The following HEMGN variants were observed in gnomAD, a reference collection of about 807,000 sequenced individuals.
HEMGN encodes hemogen.
Under a neutral mutation model 45.7 loss-of-function variants are expected in HEMGN, and 32 were observed. The ratio of observed to expected loss-of-function variants is 0.70; its 90% confidence interval spans 0.53 to 0.94. The LOEUF is 0.94. Among genes scored for constraint, HEMGN ranks in the 40% least tolerant of loss-of-function variants. HEMGN has a pLI of 0.00. For missense variants in HEMGN, 530 were observed against 564.2 expected (o/e 0.94, Z 0.61); for synonymous variants, 183 against 178.6 (o/e 1.02, Z -0.20).
At chr9:97,932,282 C>A (rs1347633957) in intron 2 of HEMGN, among the ~76,000 whole-genome samples, 1 of 151,956 alleles carries the variant, frequency 6.6e-6, no homozygotes, top group African/African-American at 2.4e-5. Flanking sequence ...TTTATAGTGC[C>A]CATCGTTCCT....
rs771744071 is a variant in HEMGN, at chr9:97,931,172, C to A, written c.223G>T (p.Gly75Cys). The change falls in exon 3 of 4, where the codon GGC becomes TGC. Residue 75 changes from glycine to cysteine, a missense_variant. Gly to Cys is a radical substitution (Grantham distance 159). Coordinates refer to ENST00000616898, the MANE Select transcript of HEMGN (RefSeq NM_197978.3). ...QQRTGKGNRR[G>C]RKRQQNTELK... is the part of the protein sequence containing the mutation. ...TCTGTGTTTTGTTGTCTCTTTCTGCCTCTTCGATTTCCTTTTCCTGTTCTC... is the reference window on the plus strand; with the variant it reads ...TCTGTGTTTTGTTGTCTCTTTCTGCATCTTCGATTTCCTTTTCCTGTTCTC... 5 of 1,612,058 alleles carry A rather than the reference C, an allele frequency of 3.1e-6. No homozygotes were observed. Among genetic ancestry groups the A allele is most frequent in the African/African-American group, 1.3e-5 (1 of 74,638 alleles).
At chr9:97,933,947 C>A (rs907423859) in intron 2 of HEMGN, among the ~76,000 whole-genome samples, 19 of 152,182 alleles carry the variant, frequency 1.2e-4, no homozygotes, top group Non-Finnish European at 2.5e-4. Context: ...CTGAGACTAC[C>A]TCCATTTATC....
intron 1 of HEMGN, 37 bp downstream of exon 1, chr9:97,938,021 C>T (rs1426545280): frequency 4.1e-6 from 5 of 1,221,588 alleles, no homozygotes; most frequent in South Asian, 2.6e-5. Flanking sequence ...CCGAATTCTT[C>T]TCAACAGCCA....
In HEMGN at chr9:97,931,012, A is replaced by G. The variant is rs1826939920; in HGVS notation, c.383T>C (p.Val128Ala). The G allele has an allele frequency of 3.1e-6, 5 of 1,614,052 alleles. No homozygotes were observed. The highest frequency in any genetic ancestry group is 1.3e-5 in the African/African-American group (1 of 74,936). ...TATTTCAGAAAAGTGTTCCTCAGGC[A>G]CAACTTTTTGCGGGGAGGCTACTGA... ...FPSVASPQKV[V>A]PEEHFSEICQ... Residue 128 changes from valine to alanine, a missense_variant, in exon 3 of 4, where the codon GTG becomes GCG. Coordinates refer to ENST00000616898, the MANE Select transcript of HEMGN (RefSeq NM_197978.3).
rs949628675 is a variant in HEMGN, at chr9:97,927,258, T to C, written c.*126A>G. Reference sequence around the variant, plus strand: ...TAAAAAATGTTATTTCTTTCAGATATGGTCTACAAATAGAAAAAATAATAT... The same window carrying C: ...TAAAAAATGTTATTTCTTTCAGATACGGTCTACAAATAGAAAAAATAATAT... On this transcript the variant is annotated 3_prime_UTR_variant, in exon 4 of 4. Transcript: ENST00000616898. 25 of 583,038 alleles carry C rather than the reference T, an allele frequency of 4.3e-5. No individual in the cohort carries two copies. The highest frequency in any genetic ancestry group is 1.5e-4 in the Admixed American group (5 of 34,014). The allele number at this position is 583,038 out of a possible 1,614,324, so 36.1% of individuals were successfully genotyped here.
chr9:97,933,270 A>G (rs992653977), intron 2 of HEMGN, among the ~76,000 whole-genome samples: 1 of 152,220 alleles, frequency 6.6e-6, no homozygotes, highest in Non-Finnish European at 1.5e-5. Flanking sequence ...TAGGACTCAT[A>G]TGAATACAGG....
At position 97,930,771 on chromosome 9, in the gene HEMGN, T is replaced by C. The variant is rs768261992; in HGVS notation, c.624A>G (p.Ile208Met). Reference protein sequence around the residue: ...EDNSPNTCQVISVIQDHPFKM... With the variant: ...EDNSPNTCQVMSVIQDHPFKM... Reference sequence around the variant, plus strand: ...TGAAAGGATGGTCTTGAATTACAGATATTACTTGGCATGTGTTAGGAGAGT... The same window carrying C: ...TGAAAGGATGGTCTTGAATTACAGACATTACTTGGCATGTGTTAGGAGAGT... The change falls in exon 3 of 4, where the codon ATA becomes ATG. Residue 208 changes from isoleucine (I) to methionine (M), a missense_variant. Transcript: ENST00000616898. 2.7e-5 allele frequency: 43 copies of C among 1,614,062 alleles called. No homozygotes were observed. The highest frequency in any genetic ancestry group is 3.6e-5 in the Non-Finnish European group (42 of 1,180,004).
In HEMGN at chr9:97,930,411, T is replaced by C. The variant is rs745826816; in HGVS notation, c.984A>G (p.Thr328=). ...CTTTAGGCACAATAATTTCGTTACATGTTTTATGAGGAAGGTATTTAGGTT... is the reference window on the plus strand; with the variant it reads ...CTTTAGGCACAATAATTTCGTTACACGTTTTATGAGGAAGGTATTTAGGTT... ...SAEPKYLPHK[T]CNEIIVPKAP... is the part of the protein sequence containing the mutation. Residue 328 remains threonine (T), a synonymous_variant, in exon 3 of 4, where the codon ACA becomes ACG. Coordinates refer to ENST00000616898, the MANE Select transcript of HEMGN (RefSeq NM_197978.3). The C allele has an allele frequency of 6.2e-7, 1 of 1,614,142 alleles. No homozygotes were observed.
rs73655186 is a variant in HEMGN at position 97,928,816 on chromosome 9, A to G, written c.1360+1219T>C. On this transcript the variant is annotated intron_variant, in intron 3 of 3. Transcript: ENST00000616898. ...ATATACATATAGCACAGTACTATGC[A>G]GTTGTTACAAAAGACATCATAAAGA... 5.7e-3 allele frequency among the ~76,000 whole-genome samples: 863 copies of G among 152,346 alleles called. 5 individuals carry two copies. The highest frequency in any genetic ancestry group is 0.02 in the African/African-American group (819 of 41,574).
chr9:97,933,150 C>G, intron 2 of HEMGN, among the ~76,000 whole-genome samples: 1 of 152,100 alleles, frequency 6.6e-6, no homozygotes, highest in Non-Finnish European at 1.5e-5. Flanking sequence ...CTCTACATGC[C>G]TTGGTTTCCT....
chr9:97,942,285 T>G (rs1048981571), upstream of HEMGN, among the ~76,000 whole-genome samples: 1 of 150,622 alleles, frequency 6.6e-6, no homozygotes, highest in African/African-American at 2.4e-5. Flanking sequence ...TTTTTTTTTT[T>G]TTTTTTTTTG....
At chr9:97,939,011 T>C (rs1397111027), upstream of HEMGN, among the ~76,000 whole-genome samples, 1 of 152,180 alleles carries the variant, frequency 6.6e-6, no homozygotes, top group African/African-American at 2.4e-5. Flanking sequence ...AGTAACCCCA[T>C]TTGTGAAGAC....
chr9:97,941,630 G>A (rs1343395431), upstream of HEMGN, among the ~76,000 whole-genome samples: 1 of 152,220 alleles, frequency 6.6e-6, no homozygotes, highest in Non-Finnish European at 1.5e-5. Flanking sequence ...ATAAAGATTT[G>A]TTGTGAACAA....
Position 97,930,774 on chromosome 9 carries a change from T to C in HEMGN, c.621A>G (p.Val207=), listed in dbSNP as rs1188910947. Residue 207 remains valine, a synonymous_variant, in exon 3 of 4, where the codon GTA becomes GTG. Transcript: ENST00000616898. ...PEDNSPNTCQ[V]ISVIQDHPFK... is the part of the protein sequence containing the mutation. ...AAGGATGGTCTTGAATTACAGATAT[T>C]ACTTGGCATGTGTTAGGAGAGTTGT... 6.2e-7 allele frequency: 1 copy of C among 1,614,060 alleles called. No homozygotes were observed. Among genetic ancestry groups the C allele is most frequent in the Admixed American group, 1.7e-5 (1 of 60,006 alleles).
chr9:97,936,179 C>T lies in HEMGN; in HGVS notation c.165G>A (p.Trp55Ter). ...AEVHEKETSQ[W>*]LFGEQKKRKQ... The stretch of plus-strand genomic sequence containing the variant: ...TTGTGATGCTACCATACCCAAATAG[C>T]CATTGTGATGTTTCCTTTTCATGCA... Residue 55 changes from tryptophan (W) to a stop codon, truncating the protein, a stop_gained, in exon 2 of 4, where the codon TGG (tryptophan) becomes TGA (stop). Transcript: ENST00000616898. LOFTEE classifies it high-confidence loss of function. 1.2e-6 allele frequency: 2 copies of T among 1,607,634 alleles called. No individual in the cohort carries two copies. Among genetic ancestry groups the T allele is most frequent in the African/African-American group, 2.7e-5 (2 of 74,904 alleles).
chr9:97,927,635 G>C (rs531289114), intron 3 of HEMGN, among the ~76,000 whole-genome samples, 157 bp from the exon 4 acceptor site: 9 of 152,248 alleles, frequency 5.9e-5, no homozygotes, highest in African/African-American at 2.2e-4. Flanking sequence ...AAATAATAGT[G>C]TTTTTAGTAA....
Position 97,930,440 on chromosome 9 carries a change from C to T in HEMGN, c.955G>A (p.Ala319Thr). The T allele has an allele frequency of 6.2e-7, 1 of 1,614,124 alleles. No individual in the cohort carries two copies. The change falls in exon 3 of 4, where the codon GCT (alanine) becomes ACT (threonine). Residue 319 changes from alanine to threonine, a missense_variant. Transcript: ENST00000616898. ...DLSTKTHQESAEPKYLPHKTC... is the reference protein window; with the variant it reads ...DLSTKTHQESTEPKYLPHKTC... The stretch of plus-strand genomic sequence containing the variant: ...TTATGAGGAAGGTATTTAGGTTCAG[C>T]TGATTCTTGGTGTGTTTTTGTAGAA...
Position 97,931,129 on chromosome 9 carries a change from T to C in HEMGN, c.266A>G (p.Gln89Arg). The C allele has an allele frequency of 3.7e-6, 6 of 1,614,162 alleles. No homozygotes were observed. Among genetic ancestry groups the C allele is most frequent in the Non-Finnish European group, 5.1e-6 (6 of 1,180,022 alleles). ...CACTATTTCCTTTTCTATCTGTGGC[T>C]GAGGCTCCACCTTCAATTCTGTGTT... ...QQNTELKVEP[Q>R]PQIEKEIVEK... The change falls in exon 3 of 4, where the codon CAG (glutamine) becomes CGG (arginine). Residue 89 changes from glutamine to arginine, a missense_variant. By Grantham distance (43) the Gln-to-Arg change is conservative (BLOSUM62 1). Transcript: ENST00000616898.
chr9:97,939,595 T>C (rs577314838), upstream of HEMGN, among the ~76,000 whole-genome samples: 30 of 152,314 alleles, frequency 2.0e-4, no homozygotes, highest in Non-Finnish European at 3.5e-4. Context: ...TTATTACTTA[T>C]TGCCAGCAGC....
Sources: allele counts gnomAD v4.1 joint callset (sites outside exome capture counted in the v4.1 genomes callset), GRCh38; gene constraint gnomAD v4.1.1; transcripts MANE v1.5; gene names NCBI Gene and HGNC (gene_info 2026-07-23, HGNC 2026-07-21).